The following HIVEP3 variants were observed in gnomAD, a reference collection of about 807,000 sequenced individuals.
HIVEP3 encodes HIVEP zinc finger 3, also known as transcription factor HIVEP3.
HIVEP3 carries 49 observed loss-of-function variants against 152.8 expected under a neutral mutation model. The observed-to-expected ratio is 0.32, with a 90% confidence interval of 0.26 to 0.41. The LOEUF (loss-of-function observed/expected upper bound fraction) is 0.41. Ranked by LOEUF, HIVEP3 falls within the 10% of genes least tolerant of loss-of-function variation. The probability of loss-of-function intolerance (pLI) is 1.00; values close to 1 mark genes in which losing one functional copy is unlikely to be tolerated. For synonymous variants in HIVEP3, 1,269 were observed against 1,289.0 expected, an observed-to-expected ratio of 0.98 and a Z score of 0.33; for missense variants, 2,790 against 3,103.3, an observed-to-expected ratio of 0.90 and a Z score of 2.40.
At position 41,582,836 on chromosome 1, in the gene HIVEP3, T is replaced by G. The variant is rs1218075898; in HGVS notation, c.1962A>C (p.Lys654Asn). Residue 654 changes from lysine to asparagine, a missense_variant, in exon 4 of 9, where the codon AAA becomes AAC. Physicochemically the swap from Lys to Asn is moderately conservative, Grantham distance 94. Around this residue, in one of 9 missense-constraint regions of HIVEP3, gnomAD observed 339 missense variants for 327.0 expected, o/e 1.04. Transcript: ENST00000372583. This position sits in a 1 kb window ranked among gnomAD's most constrained non-coding sequence, Gnocchi z 4.7. ...ECNICGARYK[K>N]RDNYEAHKKY... is the part of the protein sequence containing the mutation. ...TTTTGTGGGCTTCGTAGTTATCCCT[T>G]TTCTTGTACCGAGCACCACATATGT... 1.2e-6 allele frequency: 2 copies of G among 1,614,076 alleles called. No individual in the cohort carries two copies. Among genetic ancestry groups the G allele is most frequent in the Non-Finnish European group, 1.7e-6 (2 of 1,180,040 alleles).
In HIVEP3 at chr1:41,983,977, T is replaced by C. The variant is rs188923746; in HGVS notation, n.119+51830A>G. Reference sequence around the variant, plus strand: ...AAAAAAAATCCATACTCATATTTTTTTTGAGAGAGAGAGAGACAGCATTTC... The same window carrying C: ...AAAAAAAATCCATACTCATATTTTTCTTGAGAGAGAGAGAGACAGCATTTC... On this transcript the variant is annotated intron_variant and non_coding_transcript_variant, in intron 1 of 3. Coordinates refer to the HIVEP3 transcript ENST00000489103. Among the ~76,000 whole-genome samples the C allele has an allele frequency of 1.4e-3, 210 of 152,118 alleles. 1 individual carries two copies. Among genetic ancestry groups the C allele is most frequent in the African/African-American group, 4.7e-3 (196 of 41,388 alleles).
intron 2 of HIVEP3, among the ~76,000 whole-genome samples, chr1:41,653,648 T>A (rs886238207): frequency 1.3e-5 from 2 of 152,192 alleles, no homozygotes; most frequent in Non-Finnish European, 2.9e-5. Context: ...CCTGCCCACC[T>A]GGGCATCTGG....
Position 41,584,903 on chromosome 1 carries a change from C to A in HIVEP3, c.-106G>T. ...GGTGTCCAGCTTTGGCCACATTGGT[C>A]AAGAGCTGTGGGAGCCAAACCCAAG... is the stretch of plus-strand genomic sequence containing the variant. On this transcript the variant is annotated 5_prime_UTR_variant, in exon 4 of 9. Transcript: ENST00000372583. The surrounding 1 kb of genome is among the most constrained non-coding windows in gnomAD (Gnocchi z 5.2). The A allele has an allele frequency of 8.8e-7, 1 of 1,131,040 alleles. No homozygotes were observed. The allele number at this position is 1,131,040 out of a possible 1,614,324, so 70.1% of individuals were successfully genotyped here.
At chr1:41,829,629 GA>G (rs1216912614) in intron 1 of HIVEP3, among the ~76,000 whole-genome samples, 6 of 151,688 alleles carry the variant, frequency 4.0e-5, no homozygotes, top group African/African-American at 1.5e-4. Context: ...CAAAACAGCA[GA>G]TGTAAATGAC....
Position 42,002,602 on chromosome 1 carries a change from G to A in HIVEP3, n.119+33205C>T, listed in dbSNP as rs1471338420. ...TAGAATCACTCAGGGGTGCTTTTAAGATATAGATGCCAGGCCCCAGCCAAT... is the reference window on the plus strand; with the variant it reads ...TAGAATCACTCAGGGGTGCTTTTAAAATATAGATGCCAGGCCCCAGCCAAT... On this transcript the variant is annotated intron_variant and non_coding_transcript_variant, in intron 1 of 3. Transcript: ENST00000489103. 6.6e-5 allele frequency among the ~76,000 whole-genome samples: 10 copies of A among 152,186 alleles called. 1 individual carries two copies. The South Asian group carries it at 1.2e-3, about 19-fold the overall frequency.
chr1:41,605,168 G>A lies in HIVEP3; in HGVS notation c.-521-19850C>T, dbSNP rs558293492. ...AAGGGAAGCGGAGGGGTGGAGAGGG[G>A]AGGGGAGGGGAGGGGAGGGAAGGGA... On this transcript the variant is annotated intron_variant, in intron 3 of 8. Transcript: ENST00000372583. Among the ~76,000 whole-genome samples the A allele has an allele frequency of 5.5e-5, 7 of 126,578 alleles. No homozygotes were observed. The South Asian group carries it at 1.7e-3, about 30-fold the overall frequency. The allele number at this position is 126,578 out of a possible 152,430, so 83.0% of individuals were successfully genotyped here. A position where few individuals can be genotyped will look rare whatever the true frequency, so the allele number is the denominator to read the frequency against.
chr1:41,614,774 A>G (rs2149135570), intron 3 of HIVEP3, among the ~76,000 whole-genome samples: 1 of 152,374 alleles, frequency 6.6e-6, no homozygotes, highest in Middle Eastern at 3.4e-3. Context: ...TTTAGTATAC[A>G]GCAGTCAGAG....
intron 5 of HIVEP3, among the ~76,000 whole-genome samples, chr1:41,567,739 T>C (rs7527409): frequency 0.2 from 30,688 of 152,200 alleles, 3,957 homozygotes; most frequent in East Asian, 0.47. Flanking sequence ...TCTGGCATTA[T>C]GTATTTCATT....
At chr1:41,950,763 C>A (rs1334000826) in intron 1 of HIVEP3, among the ~76,000 whole-genome samples, 2 of 152,136 alleles carry the variant, frequency 1.3e-5, no homozygotes, top group East Asian at 3.9e-4. Context: ...ACTTTCAGAT[C>A]AATATTTTGT....
intron 1 of HIVEP3, among the ~76,000 whole-genome samples, chr1:41,959,683 G>A (rs934739466): frequency 3.9e-5 from 6 of 152,184 alleles, no homozygotes; most frequent in African/African-American, 1.4e-4. Context: ...GCATAGGTCT[G>A]GGAACTAAGG....
Position 41,583,494 on chromosome 1 carries a change from G to A in HIVEP3, c.1304C>T (p.Thr435Ile). The change falls in exon 4 of 9, where the codon ACC becomes ATC. Residue 435 changes from threonine (T) to isoleucine (I), a missense_variant. Physicochemically the swap from Thr to Ile is moderately conservative, Grantham distance 89. This residue lies in a region of HIVEP3 where 134 missense variants were observed against 242.5 expected (regional missense o/e 0.55). Coordinates refer to ENST00000372583, the MANE Select transcript of HIVEP3 (RefSeq NM_024503.5). This position sits in a 1 kb window ranked among gnomAD's most constrained non-coding sequence, Gnocchi z 6.9. ...CAGGGGCAGGAGGGGCTGGGTGGAG[G>A]TGGCTGTCAGCATGGCGGTCCGCTG... Reference protein sequence around the residue: ...IGQRTAMLTATSTQPLLPLST... With the variant: ...IGQRTAMLTAISTQPLLPLST... 6.2e-7 allele frequency: 1 copy of A among 1,613,974 alleles called. No individual in the cohort carries two copies. Among genetic ancestry groups the A allele is most frequent in the South Asian group, 1.1e-5 (1 of 91,052 alleles).
intron 5 of HIVEP3, among the ~76,000 whole-genome samples, chr1:41,526,674 C>A (rs1642944069): frequency 1.8e-5 from 1 of 54,186 alleles, no homozygotes. Flanking sequence ...CTCATACCTG[C>A]TCGCACCCCC....
chr1:41,854,103 G>A (rs113604971), intron 1 of HIVEP3, among the ~76,000 whole-genome samples: 2,158 of 152,168 alleles, frequency 0.014, 51 homozygotes, highest in African/African-American at 0.049. Flanking sequence ...GAGGCAGATC[G>A]GCTTTCTCTC....
intron 1 of HIVEP3, among the ~76,000 whole-genome samples, chr1:41,709,035 A>T (rs915647237): frequency 5.9e-5 from 9 of 152,114 alleles, no homozygotes; most frequent in Non-Finnish European, 4.4e-5. Context: ...TTTGCTAATA[A>T]AAAGAGAATC....
intron 6 of HIVEP3, among the ~76,000 whole-genome samples, chr1:41,521,408 G>A (rs908640137): frequency 2.2e-4 from 34 of 152,332 alleles, no homozygotes; most frequent in African/African-American, 7.7e-4. Flanking sequence ...CCCCCGCCAC[G>A]GGGGTGCAGG....
chr1:41,944,551 G>A (rs1241193133), intron 1 of HIVEP3, among the ~76,000 whole-genome samples: 1 of 152,096 alleles, frequency 6.6e-6, no homozygotes, highest in East Asian at 1.9e-4. Flanking sequence ...AAATACTCAG[G>A]AACCCAGCCC....
intron 5 of HIVEP3, among the ~76,000 whole-genome samples, chr1:41,568,448 C>A (rs1372582578): frequency 6.6e-6 from 1 of 152,238 alleles, no homozygotes; most frequent in Non-Finnish European, 1.5e-5. Context: ...CAGGGAGGAG[C>A]TGGAGCCGGC....
chr1:41,891,500 G>A (rs912839703), intron 1 of HIVEP3, among the ~76,000 whole-genome samples: 4 of 152,156 alleles, frequency 2.6e-5, no homozygotes, highest in South Asian at 4.1e-4. Flanking sequence ...CTGCAAAGAC[G>A]GGCTGCCCCT....
At chr1:41,846,805 C>A (rs1054766084) in intron 1 of HIVEP3, among the ~76,000 whole-genome samples, 4 of 152,210 alleles carry the variant, frequency 2.6e-5, no homozygotes, top group African/African-American at 9.6e-5. Context: ...TGGTGCCTTG[C>A]AACAGCGGCT....
Sources: gnomAD v4.1 joint callset for allele counts (sites outside exome capture counted in the v4.1 genomes callset) on GRCh38, gnomAD v4.1.1 for gene constraint, gnomAD v4.1.1 regional missense constraint, Gnocchi (gnomAD v3.1) non-coding constraint, MANE v1.5 for transcripts, NCBI Gene and HGNC (gene_info 2026-07-23, HGNC 2026-07-21) for gene names.